Variants in CTNNA1 observed in about 807,000 individuals in gnomAD.
The protein encoded by CTNNA1 is catenin alpha 1.
Under a neutral mutation model 98.4 loss-of-function variants are expected in CTNNA1, and 37 were observed. That is an observed-to-expected ratio of 0.38 (90% CI 0.29 to 0.49). The LOEUF is 0.49. Among genes scored for constraint, CTNNA1 ranks in the 20% least tolerant of loss-of-function variants. CTNNA1 has a pLI of 0.95. For synonymous variants in CTNNA1, 404 were observed against 413.2 expected, an observed-to-expected ratio of 0.98 and a Z score of 0.27; for missense variants, 761 against 1,147.2, an observed-to-expected ratio of 0.66 and a Z score of 4.86.
At chr5:138,929,178 G>A (rs766684199) in intron 13 of CTNNA1, 68 bp from the exon 14 acceptor site, 4 of 854,144 alleles carry the variant, frequency 4.7e-6, no homozygotes, top group Non-Finnish European at 8.2e-6. Context: ...CTGGCCAAGA[G>A]GCTCAGGGTG....
At chr5:138,885,899 G>A (rs1753923756) in intron 7 of CTNNA1, among the ~76,000 whole-genome samples, 1 of 152,124 alleles carries the variant, frequency 6.6e-6, no homozygotes, top group African/African-American at 2.4e-5. Context: ...GGTGTATGCT[G>A]AACCTTGAGT....
chr5:138,857,331 T>A (rs943000156), intron 7 of CTNNA1, among the ~76,000 whole-genome samples: 5 of 152,230 alleles, frequency 3.3e-5, no homozygotes, highest in Non-Finnish European at 5.9e-5. Flanking sequence ...TATTTGGTCC[T>A]ACTTTGGCCA....
At chr5:138,785,041 G>GT (rs1323970945) in intron 3 of CTNNA1, among the ~76,000 whole-genome samples, 2 of 150,386 alleles carry the variant, frequency 1.3e-5, no homozygotes, top group African/African-American at 2.4e-5. Flanking sequence ...ACCCAGTACA[G>GT]TGAGTTTTGA....
chr5:138,762,518 C>T (rs1752478629), intron 1 of CTNNA1, among the ~76,000 whole-genome samples: 1 of 151,432 alleles, frequency 6.6e-6, no homozygotes, highest in African/African-American at 2.4e-5. Flanking sequence ...ACTTATTTTT[C>T]TCCATGTGGA....
At chr5:138,869,186 A>AAC (rs1472418900) in intron 7 of CTNNA1, 1 of 151,854 alleles carries the variant, frequency 6.6e-6, no homozygotes, top group Non-Finnish European at 1.5e-5. Context: ...AAAAAAAAAA[A>AAC]AAAACCGCTA....
chr5:138,924,660 G>A lies in CTNNA1; in HGVS notation c.1697G>A (p.Gly566Glu). The change falls in exon 12 of 18, where the codon GGA (glycine) becomes GAA (glutamate). Residue 566 changes from glycine (G) to glutamate (E), a missense_variant. Physicochemically the swap from Gly to Glu is moderately conservative, Grantham distance 98 (BLOSUM62 -2). Transcript: ENST00000302763. ...VTSEMDNYEP[G>E]VYTEKVLEAT... is the part of the protein sequence containing the mutation. Reference sequence around the variant, plus strand: ...TCAGAGATGGACAACTATGAGCCAGGAGTCTACACAGAGAAGGTTCTGGAA... The same window carrying A: ...TCAGAGATGGACAACTATGAGCCAGAAGTCTACACAGAGAAGGTTCTGGAA... 6.2e-7 allele frequency: 1 copy of A among 1,606,108 alleles called. No individual in the cohort carries two copies. Among genetic ancestry groups the A allele is most frequent in the Non-Finnish European group, 8.5e-7 (1 of 1,176,208 alleles).
chr5:138,873,256 AAAG>A lies in CTNNA1; in HGVS notation c.1063-12953_1063-12951del, dbSNP rs761550008. The A allele has an allele frequency of 1.2e-6, 2 of 1,613,722 alleles. No individual in the cohort carries two copies. Among genetic ancestry groups the A allele is most frequent in the African/African-American group, 2.7e-5 (2 of 74,928 alleles). ...AGATGAACACTATAAAAATAATAAA[AAAG>A]AAAGAAAACAATAAAGCCATTGTTC... On this transcript the variant is annotated intron_variant, in intron 7 of 17. Coordinates refer to ENST00000302763, the MANE Select transcript of CTNNA1 (RefSeq NM_001903.5). This position sits in a 1 kb window ranked among gnomAD's most constrained non-coding sequence, Gnocchi z 6.1.
chr5:138,925,204 G>A (rs753873041), intron 12 of CTNNA1, 52 bp from the exon 13 acceptor site: 6 of 1,588,538 alleles, frequency 3.8e-6, no homozygotes, highest in Non-Finnish European at 5.1e-6. Context: ...GAGGGCCAGG[G>A]GAATGATGCT....
At chr5:138,811,314 C>T (rs1335007774) in intron 4 of CTNNA1, among the ~76,000 whole-genome samples, 1,487 of 110,502 alleles carry the variant, frequency 0.013, 28 homozygotes, top group African/African-American at 0.04. Context: ...ACATCTCAGA[C>T]GATGGGCGGC....
chr5:138,801,455 C>A (rs1757565423), intron 3 of CTNNA1, among the ~76,000 whole-genome samples: 1 of 152,042 alleles, frequency 6.6e-6, no homozygotes. Context: ...TGTTGCAAAT[C>A]TCTGAAACAA....
chr5:138,822,558 T>G (rs1760145736), intron 5 of CTNNA1, among the ~76,000 whole-genome samples: 2 of 152,148 alleles, frequency 1.3e-5, no homozygotes, highest in Admixed American at 1.3e-4. Context: ...CCTCAGATTG[T>G]GGTGAAGGCA....
chr5:138,861,020 A>G (rs767984626), intron 7 of CTNNA1, among the ~76,000 whole-genome samples: 18 of 152,090 alleles, frequency 1.2e-4, no homozygotes, highest in Non-Finnish European at 2.4e-4. Context: ...GCACTCCTGA[A>G]CACAATCTTT....
intron 10 of CTNNA1, among the ~76,000 whole-genome samples, chr5:138,912,614 C>T (rs1027575427): frequency 6.6e-6 from 1 of 152,168 alleles, no homozygotes; most frequent in Non-Finnish European, 1.5e-5. Context: ...AGGACAAGGA[C>T]GTCCACCCTT....
rs370878518 is a variant in CTNNA1, at chr5:138,930,954, A to G, written c.2298+19A>G. On this transcript the variant is annotated intron_variant, in intron 16 of 17. Coordinates refer to ENST00000302763, the MANE Select transcript of CTNNA1 (RefSeq NM_001903.5). ...AGACCATGTAAGTGACAGACTTGCC[A>G]GGTGGGTCTCCAAGCTCCTCCTGGG... The G allele has an allele frequency of 1.9e-6, 3 of 1,560,842 alleles. No individual in the cohort carries two copies. Among genetic ancestry groups the G allele is most frequent in the African/African-American group, 2.7e-5 (2 of 73,848 alleles).
chr5:138,880,775 T>G, intron 7 of CTNNA1: 1 of 298,478 alleles, frequency 3.4e-6, no homozygotes, highest in Non-Finnish European at 6.7e-6. Flanking sequence ...TCGTTCAATT[T>G]TAGTGGACTC....
intron 3 of CTNNA1, among the ~76,000 whole-genome samples, chr5:138,797,042 C>A (rs539894317): frequency 6.6e-6 from 1 of 152,282 alleles, no homozygotes; most frequent in South Asian, 2.1e-4. Context: ...TTGGATAAAA[C>A]CCCTCTAGTT....
chr5:138,921,125 C>T (rs1762832159), intron 11 of CTNNA1, among the ~76,000 whole-genome samples: 2 of 152,202 alleles, frequency 1.3e-5, no homozygotes, highest in African/African-American at 4.8e-5. Flanking sequence ...TGCTGGCATT[C>T]AGCAGACCAA....
At chr5:138,823,226 G>A (rs141703521) in intron 5 of CTNNA1, among the ~76,000 whole-genome samples, 156 of 152,092 alleles carry the variant, frequency 1.0e-3, no homozygotes, top group African/African-American at 3.5e-3. Context: ...AGAAATACCC[G>A]CTTCCCATTC....
At chr5:138,781,814 A>T in intron 1 of CTNNA1, 109 bp from the exon 2 acceptor site, 2 of 958,998 alleles carry the variant, frequency 2.1e-6, no homozygotes, top group Non-Finnish European at 3.0e-6. Context: ...TTTCATCTAT[A>T]GTGAATATAG....
Sources: gnomAD v4.1 joint callset for allele counts (sites outside exome capture counted in the v4.1 genomes callset) on GRCh38, gnomAD v4.1.1 for gene constraint, Gnocchi (gnomAD v3.1) non-coding constraint, MANE v1.5 for transcripts, NCBI Gene and HGNC (gene_info 2026-07-23, HGNC 2026-07-21) for gene names.